Variants in WWOX observed in about 807,000 individuals in gnomAD.
The protein encoded by WWOX is WW domain containing oxidoreductase, also known as WW domain-containing oxidoreductase.
A neutral mutation model predicts 46.2 loss-of-function variants in WWOX; 69 were observed. That is an observed-to-expected ratio of 1.49 (90% CI 1.23 to 1.82). The LOEUF is 1.82. WWOX is among the 40% of genes most tolerant of loss of function. The pLI, the probability that WWOX is intolerant of heterozygous loss-of-function variation, is 0.00. For missense variants in WWOX, 919 were observed against 542.6 expected, an observed-to-expected ratio of 1.69 and a Z score of -6.89; for synonymous variants, 359 against 202.6, an observed-to-expected ratio of 1.77 and a Z score of -6.56.
chr16:78,684,058 T>G (rs558505521), intron 8 of WWOX, among the ~76,000 whole-genome samples: 2 of 152,304 alleles, frequency 1.3e-5, no homozygotes, highest in East Asian at 3.9e-4. Context: ...CCTCACAGTT[T>G]TGGCTCGCAC....
chr16:78,129,914 C>G (rs766310474), intron 4 of WWOX: 2 of 152,140 alleles, frequency 1.3e-5, no homozygotes, highest in Non-Finnish European at 2.9e-5. Context: ...TCATCTTGAA[C>G]TATAGTTCCC....
At chr16:79,124,365 G>A (rs758626959) in intron 8 of WWOX, among the ~76,000 whole-genome samples, 20 of 152,268 alleles carry the variant, frequency 1.3e-4, no homozygotes, top group Non-Finnish European at 2.2e-4. Flanking sequence ...AAAATCACTG[G>A]TTTATTGGAA....
chr16:78,704,327 C>G (rs147114066), intron 8 of WWOX, among the ~76,000 whole-genome samples: 1 of 152,154 alleles, frequency 6.6e-6, no homozygotes, highest in South Asian at 2.1e-4. Context: ...CTTAAGATGT[C>G]AGCACATGAC....
intron 8 of WWOX, among the ~76,000 whole-genome samples, chr16:78,540,027 C>G (rs2043853735): frequency 6.6e-6 from 1 of 150,552 alleles, no homozygotes; most frequent in African/African-American, 2.5e-5. Flanking sequence ...CTCTCACACA[C>G]ACACACACAC....
At chr16:78,645,146 C>G (rs2046809403) in intron 8 of WWOX, among the ~76,000 whole-genome samples, 1 of 152,140 alleles carries the variant, frequency 6.6e-6, no homozygotes, top group Admixed American at 6.5e-5. Flanking sequence ...TTACCAGAAT[C>G]TGTCAAGCTC....
At chr16:78,665,473 G>C (rs2047309026) in intron 8 of WWOX, among the ~76,000 whole-genome samples, 1 of 152,098 alleles carries the variant, frequency 6.6e-6, no homozygotes, top group African/African-American at 2.4e-5. Context: ...CATGTGATTT[G>C]CTGTGGCGAG....
intron 6 of WWOX, among the ~76,000 whole-genome samples, chr16:78,404,017 A>T (rs1180899881): frequency 6.6e-6 from 1 of 152,056 alleles, no homozygotes; most frequent in African/African-American, 2.4e-5. Context: ...CAGAAGAGCA[A>T]CTCCACCTAG....
At chr16:78,242,735 C>T (rs4888768) in intron 5 of WWOX, among the ~76,000 whole-genome samples, 15,822 of 152,218 alleles carry the variant, frequency 0.1, 1,078 homozygotes, top group East Asian at 0.18. Context: ...CAGCCGGGCA[C>T]AGTGGCTCAC....
chr16:79,049,119 G>C (rs2048119175), intron 8 of WWOX, among the ~76,000 whole-genome samples: 1 of 152,226 alleles, frequency 6.6e-6, no homozygotes, highest in African/African-American at 2.4e-5. Flanking sequence ...CAAACAGCTA[G>C]ATAGCAAATA....
chr16:79,019,901 A>T (rs2047496902), intron 8 of WWOX, among the ~76,000 whole-genome samples: 1 of 152,158 alleles, frequency 6.6e-6, no homozygotes, highest in African/African-American at 2.4e-5. Context: ...TTTCCCTCTA[A>T]TGGGGGTAAA....
intron 4 of WWOX, among the ~76,000 whole-genome samples, chr16:78,159,363 C>T (rs1262814219): frequency 6.6e-6 from 1 of 151,998 alleles, no homozygotes. Flanking sequence ...ATTTTTAATT[C>T]TTGTTTCGTT....
chr16:79,006,490 C>T (rs184333934), intron 8 of WWOX, among the ~76,000 whole-genome samples: 15 of 151,988 alleles, frequency 9.9e-5, no homozygotes, highest in Admixed American at 6.5e-4. Context: ...GCTTTTAGCC[C>T]CTGATCTGAG....
At chr16:79,051,864 G>T (rs112814282) in intron 8 of WWOX, among the ~76,000 whole-genome samples, 1 of 152,142 alleles carries the variant, frequency 6.6e-6, no homozygotes, top group Non-Finnish European at 1.5e-5. Flanking sequence ...AGCTCCCACA[G>T]TTTAGCCTAA....
chr16:78,894,920 G>A (rs189583986), intron 8 of WWOX, among the ~76,000 whole-genome samples: 1 of 152,190 alleles, frequency 6.6e-6, no homozygotes, highest in East Asian at 1.9e-4. Flanking sequence ...TCTGATGACG[G>A]GACTAATTCT....
rs189578860 is a variant in WWOX at position 79,006,656 on chromosome 16, C to A, written c.1057-204952C>A. ...AGTCCCATAAGGCAGGAGTCCAACA[C>A]AGGTCTCACTCGGCTAAGATCCAGG... On this transcript the variant is annotated intron_variant, in intron 8 of 8. Coordinates refer to ENST00000566780, the MANE Select transcript of WWOX (RefSeq NM_016373.4). Among the ~76,000 whole-genome samples, 6 of 152,298 alleles carry A rather than the reference C, an allele frequency of 3.9e-5. No homozygotes were observed. In the East Asian group the frequency reaches 1.2e-3, roughly 30 times the overall value.
At chr16:78,434,224 A>C (rs116861738) in intron 8 of WWOX, among the ~76,000 whole-genome samples, 10 of 152,194 alleles carry the variant, frequency 6.6e-5, no homozygotes, top group African/African-American at 2.4e-4. Context: ...TCGAATACTT[A>C]GGATCAGTGG....
At chr16:78,890,281 C>T (rs1437097672) in intron 8 of WWOX, 1 of 148,810 alleles carries the variant, frequency 6.7e-6, no homozygotes, top group African/African-American at 2.6e-5. Context: ...AAATAAAAGC[C>T]CCATTTTCAT....
At chr16:78,649,778 G>A (rs1268405365) in intron 8 of WWOX, among the ~76,000 whole-genome samples, 1 of 152,138 alleles carries the variant, frequency 6.6e-6, no homozygotes, top group Non-Finnish European at 1.5e-5. Context: ...TTAACCCTTA[G>A]GAAAACCTTA....
chr16:78,954,107 T>C (rs2046117200), intron 8 of WWOX, among the ~76,000 whole-genome samples: 2 of 152,208 alleles, frequency 1.3e-5, no homozygotes, highest in Admixed American at 1.3e-4. Context: ...TCTTTTGCTT[T>C]TTCTTTTTTA....
Sources: allele counts gnomAD v4.1 joint callset (sites outside exome capture counted in the v4.1 genomes callset), GRCh38; gene constraint gnomAD v4.1.1; transcripts MANE v1.5; gene names NCBI Gene and HGNC (gene_info 2026-07-23, HGNC 2026-07-21).